Variants in UBXN2A observed in about 807,000 individuals in gnomAD.
UBXN2A encodes UBX domain-containing protein 2A.
A neutral mutation model predicts 28.4 loss-of-function variants in UBXN2A; 28 were observed. That is an observed-to-expected ratio of 0.99 (90% CI 0.73 to 1.35). The LOEUF is 1.35. Among genes scored for constraint, UBXN2A ranks in the 40% most tolerant of loss-of-function variants. The pLI is 0.00. For synonymous variants in UBXN2A, 97 were observed against 103.6 expected (o/e 0.94, Z 0.39); for missense variants, 253 against 297.9 (o/e 0.85, Z 1.11).
At position 23,984,728 on chromosome 2, in the gene UBXN2A, A is replaced by T. The variant is rs1390937316; in HGVS notation, c.481A>T (p.Asn161Tyr). 33 of 1,561,372 alleles carry T rather than the reference A, an allele frequency of 2.1e-5. No individual in the cohort carries two copies. Among genetic ancestry groups the T allele is most frequent in the Non-Finnish European group, 2.8e-5 (33 of 1,162,504 alleles). Residue 161 changes from asparagine (N) to tyrosine (Y), a missense_variant, in exon 6 of 7, where the codon AAT becomes TAT. Physicochemically the swap from Asn to Tyr is moderately radical, Grantham distance 143. Coordinates refer to ENST00000309033, the MANE Select transcript of UBXN2A (RefSeq NM_181713.4). ...AKNIEVENKN[N>Y]LSAVPLNNLE... is the part of the protein sequence containing the mutation. ...GAATATTGAAGTTGAAAATAAAAAT[A>T]ATTTGTCTGCTGTTCCACTGAACAA...
At chr2:23,942,319 G>T (rs1223965924) in intron 1 of UBXN2A, among the ~76,000 whole-genome samples, 2 of 151,840 alleles carry the variant, frequency 1.3e-5, no homozygotes, top group East Asian at 3.9e-4. Flanking sequence ...TGGCGCGGAG[G>T]CTAGGGAAGA....
intron 1 of UBXN2A, among the ~76,000 whole-genome samples, chr2:23,947,345 G>A (rs1026320416): frequency 1.3e-5 from 2 of 152,116 alleles, no homozygotes; most frequent in African/African-American, 4.8e-5. Flanking sequence ...GAAGATGTTC[G>A]GTAAACTGTG....
rs373035511 is a variant in UBXN2A at position 23,966,742 on chromosome 2, C to T, written c.42-4534C>T. On this transcript the variant is annotated intron_variant, in intron 2 of 6. Transcript: ENST00000309033. ...CTAGGATTACAGGCGTGAGCCACCG[C>T]GCCCGGCCTTTTTTTTTTTTTTTTT... 7.1e-5 allele frequency among the ~76,000 whole-genome samples: 10 copies of T among 141,540 alleles called. No individual in the cohort carries two copies. In the South Asian group the frequency reaches 9.3e-4, roughly 13 times the overall value. The allele number at this position is 141,540 out of a possible 152,430, so 92.9% of individuals were successfully genotyped here. A position where few individuals can be genotyped will look rare whatever the true frequency, so the allele number is the denominator to read the frequency against.
At chr2:23,945,205 G>A (rs1706008967) in intron 1 of UBXN2A, among the ~76,000 whole-genome samples, 1 of 152,138 alleles carries the variant, frequency 6.6e-6, no homozygotes, top group African/African-American at 2.4e-5. Flanking sequence ...AACCTTGCCA[G>A]TCTCTGCCTA....
chr2:23,971,369 G>A lies in UBXN2A; in HGVS notation c.135G>A (p.Gln45=), dbSNP rs1008926483. The change falls in exon 3 of 7, where the codon CAG becomes CAA. Residue 45 remains glutamine, a synonymous_variant. Transcript: ENST00000309033. ...TTGATAGCCTTTTTGAGGAAGCTCA[G>A]AAGGTTAGTTCCAAATGTGTGTCTC... is the stretch of plus-strand genomic sequence containing the variant. ...YFVDSLFEEA[Q]KVSSKCVSPA... 8 of 1,577,230 alleles carry A rather than the reference G, an allele frequency of 5.1e-6. No homozygotes were observed. In the South Asian group the frequency reaches 8.1e-5, roughly 16 times the overall value.
chr2:23,971,184 C>T (rs990216090), intron 2 of UBXN2A, 92 bp from the exon 3 acceptor site: 3 of 1,333,552 alleles, frequency 2.2e-6, no homozygotes, highest in Admixed American at 4.8e-5. Context: ...ATGCACGTAG[C>T]ATCTAAGTTC....
chr2:23,938,372 A>C (rs950506174), upstream of UBXN2A, among the ~76,000 whole-genome samples: 3 of 152,102 alleles, frequency 2.0e-5, no homozygotes, highest in Non-Finnish European at 4.4e-5. Context: ...AGGCTGAGGC[A>C]GGAGAATCAC....
chr2:23,960,016 G>T (rs1706825751), intron 2 of UBXN2A, among the ~76,000 whole-genome samples: 1 of 152,194 alleles, frequency 6.6e-6, no homozygotes, highest in South Asian at 2.1e-4. Context: ...ACTTTGGAAG[G>T]CCGAGGCGGG....
At position 23,971,325 on chromosome 2, in the gene UBXN2A, T is replaced by C. The variant is rs201082300; in HGVS notation, c.91T>C (p.Ser31Pro). Residue 31 changes from serine (S) to proline (P), a missense_variant, in exon 3 of 7, where the codon TCA becomes CCA. Ser to Pro is a moderately conservative substitution (Grantham distance 74, BLOSUM62 -1). Transcript: ENST00000309033. Reference protein sequence around the residue: ...DNQPLGNNQQSNCEYFVDSLF... With the variant: ...DNQPLGNNQQPNCEYFVDSLF... ...TCAACCTCTTGGTAATAATCAACAA[T>C]CAAATTGTGAATATTTTGTTGATAG... is the stretch of plus-strand genomic sequence containing the variant. 3.2e-4 allele frequency: 499 copies of C among 1,576,968 alleles called. No homozygotes were observed. The highest frequency in any genetic ancestry group is 4.0e-4 in the Non-Finnish European group (456 of 1,153,044).
Position 23,996,161 on chromosome 2 carries a change from G to A in UBXN2A, c.585-3511G>A, listed in dbSNP as rs568691679. 1.4e-4 allele frequency among the ~76,000 whole-genome samples: 21 copies of A among 151,578 alleles called. No homozygotes were observed. In the East Asian group the frequency reaches 4.1e-3, roughly 30 times the overall value. On this transcript the variant is annotated intron_variant, in intron 6 of 6. Coordinates refer to ENST00000309033, the MANE Select transcript of UBXN2A (RefSeq NM_181713.4). ...GGCTCACTGCAACCTCTGTTTCCTG[G>A]GTTCAAGTGATTCTCCTGCCTCAGC...
At chr2:23,958,210 CTT>C in intron 1 of UBXN2A, 89 bp from the exon 2 acceptor site, 1 of 955,148 alleles carries the variant, frequency 1.0e-6, no homozygotes, top group Non-Finnish European at 1.5e-6. Context: ...TCTTTAGACA[CTT>C]TTAAGTAATA....
At chr2:23,955,539 T>C (rs1391086699) in intron 1 of UBXN2A, among the ~76,000 whole-genome samples, 2 of 152,196 alleles carry the variant, frequency 1.3e-5, no homozygotes, top group Non-Finnish European at 2.9e-5. Flanking sequence ...TTCTGGAAAG[T>C]GTCATTAGGC....
At chr2:23,971,724 A>C (rs1304111169) in intron 3 of UBXN2A, among the ~76,000 whole-genome samples, 1 of 151,960 alleles carries the variant, frequency 6.6e-6, no homozygotes, top group Non-Finnish European at 1.5e-5. Flanking sequence ...TCCTGGGCTC[A>C]AGTAGTTCTC....
intron 1 of UBXN2A, among the ~76,000 whole-genome samples, chr2:23,944,935 C>A (rs1408929834): frequency 6.6e-6 from 1 of 152,130 alleles, no homozygotes; most frequent in Non-Finnish European, 1.5e-5. Flanking sequence ...AAATATATAG[C>A]TTTTGACCCA....
chr2:23,964,782 A>T (rs1707095576), intron 2 of UBXN2A, among the ~76,000 whole-genome samples: 1 of 152,160 alleles, frequency 6.6e-6, no homozygotes, highest in Non-Finnish European at 1.5e-5. Flanking sequence ...AATAAAAAAA[A>T]CTTTTTAGAA....
chr2:23,944,052 A>C (rs1054714738), intron 1 of UBXN2A: 2 of 593,478 alleles, frequency 3.4e-6, no homozygotes, highest in Non-Finnish European at 6.5e-6. Context: ...GTCGATGTCC[A>C]TCTGCCACCA....
chr2:23,986,640 T>C (rs1327835910), intron 6 of UBXN2A, among the ~76,000 whole-genome samples: 1 of 151,136 alleles, frequency 6.6e-6, no homozygotes, highest in Admixed American at 6.6e-5. Flanking sequence ...AGACGGGGTC[T>C]TCTGCCACCC....
At chr2:23,976,389 T>G (rs1516427) in intron 3 of UBXN2A, among the ~76,000 whole-genome samples, 6 of 151,890 alleles carry the variant, frequency 4.0e-5, no homozygotes, top group Middle Eastern at 3.2e-3. Context: ...CCAACATCGC[T>G]TCCCCCTTAT....
At chr2:23,973,082 C>T (rs769444859) in intron 3 of UBXN2A, among the ~76,000 whole-genome samples, 4 of 152,018 alleles carry the variant, frequency 2.6e-5, no homozygotes, top group South Asian at 4.1e-4. Context: ...TGCAATGGCA[C>T]GATCTCAGCT....
Sources: gnomAD v4.1 joint callset for allele counts (sites outside exome capture counted in the v4.1 genomes callset) on GRCh38, gnomAD v4.1.1 for gene constraint, MANE v1.5 for transcripts, NCBI Gene and HGNC (gene_info 2026-07-23, HGNC 2026-07-21) for gene names.